Variants in TMEM178B observed in about 807,000 individuals in gnomAD.
TMEM178B encodes the protein transmembrane protein 178B.
Under a neutral mutation model 31.0 loss-of-function variants are expected in TMEM178B, and 5 were observed. That is an observed-to-expected ratio of 0.16 (90% CI 0.08 to 0.34). The LOEUF (loss-of-function observed/expected upper bound fraction) is 0.34, where lower values mean the gene tolerates loss of function less well. TMEM178B is among the 10% of genes least tolerant of loss of function. The probability of loss-of-function intolerance (pLI) is 1.00; values close to 1 mark genes in which losing one functional copy is unlikely to be tolerated. For synonymous variants in TMEM178B, 164 were observed against 164.0 expected, an observed-to-expected ratio of 1.00 and a Z score of 0.00; for missense variants, 275 against 400.3, an observed-to-expected ratio of 0.69 and a Z score of 2.67.
chr7:141,359,283 C>G (rs1799876608), intron 2 of TMEM178B, among the ~76,000 whole-genome samples: 1 of 152,208 alleles, frequency 6.6e-6, no homozygotes. Flanking sequence ...AGGGTATAGC[C>G]TCCCAGCACG....
At chr7:141,446,355 G>A (rs764385993) in intron 3 of TMEM178B, among the ~76,000 whole-genome samples, 9 of 152,170 alleles carry the variant, frequency 5.9e-5, no homozygotes, top group East Asian at 5.8e-4. Context: ...CCCATCACTC[G>A]CCTGCCAAGC....
At chr7:141,276,289 A>G (rs549633161) in intron 2 of TMEM178B, among the ~76,000 whole-genome samples, 1 of 152,306 alleles carries the variant, frequency 6.6e-6, no homozygotes, top group African/African-American at 2.4e-5. Context: ...AAATACACTC[A>G]TGCATCGCTG....
intron 2 of TMEM178B, among the ~76,000 whole-genome samples, chr7:141,326,680 G>A (rs200756789): frequency 6.6e-6 from 1 of 152,118 alleles, no homozygotes; most frequent in Admixed American, 6.5e-5. Flanking sequence ...GGCTGTTTTT[G>A]TACTACAAAA....
chr7:141,430,445 C>A (rs1254258053), intron 2 of TMEM178B, among the ~76,000 whole-genome samples: 1 of 152,220 alleles, frequency 6.6e-6, no homozygotes, highest in Non-Finnish European at 1.5e-5. Flanking sequence ...CTTATTTAAT[C>A]CTCTTAACAG....
chr7:141,151,331 G>T (rs1795969441), intron 1 of TMEM178B, among the ~76,000 whole-genome samples: 1 of 152,186 alleles, frequency 6.6e-6, no homozygotes, highest in East Asian at 1.9e-4. Context: ...ACCCTGTGTG[G>T]TGGGGATTAT....
At chr7:141,505,662 C>T in the TMEM178B span, among the ~76,000 whole-genome samples, 15 of 152,324 alleles carry the variant, frequency 9.8e-5, no homozygotes, top group African/African-American at 3.6e-4. Context: ...CCGAACAGGA[C>T]TGGGGCAGAT....
intron 1 of TMEM178B, among the ~76,000 whole-genome samples, chr7:141,207,277 CTTT>C (rs890095033): frequency 6.6e-6 from 1 of 152,166 alleles, no homozygotes; most frequent in African/African-American, 2.4e-5. Flanking sequence ...GCAGATATCT[CTTT>C]GAGATAGTGA....
At chr7:141,121,995 C>G (rs1238922643) in intron 1 of TMEM178B, among the ~76,000 whole-genome samples, 2 of 152,266 alleles carry the variant, frequency 1.3e-5, no homozygotes, top group East Asian at 3.8e-4. Context: ...GGCATTTCCC[C>G]CACTTAAACC....
intron 2 of TMEM178B, among the ~76,000 whole-genome samples, chr7:141,393,510 G>T (rs780529847): frequency 6.6e-6 from 1 of 152,186 alleles, no homozygotes; most frequent in Non-Finnish European, 1.5e-5. Context: ...TGGCTAAGAC[G>T]TCAGGAGCAG....
At chr7:141,368,144 C>T (rs1172671249) in intron 2 of TMEM178B, among the ~76,000 whole-genome samples, 1 of 152,150 alleles carries the variant, frequency 6.6e-6, no homozygotes, top group Non-Finnish European at 1.5e-5. Flanking sequence ...CATGGTGAAA[C>T]CCCATCTGCA....
At chr7:141,122,821 T>A (rs1309325023) in intron 1 of TMEM178B, among the ~76,000 whole-genome samples, 1 of 152,246 alleles carries the variant, frequency 6.6e-6, no homozygotes, top group Non-Finnish European at 1.5e-5. Context: ...AAGATAACCA[T>A]AATAGCTTGT....
At chr7:141,263,619 T>G (rs1429420171) in intron 2 of TMEM178B, among the ~76,000 whole-genome samples, 1 of 152,172 alleles carries the variant, frequency 6.6e-6, no homozygotes, top group Non-Finnish European at 1.5e-5. Flanking sequence ...AACAATTTTA[T>G]GCTTTGAGGT....
chr7:141,229,668 A>G (rs1440161018), intron 2 of TMEM178B, among the ~76,000 whole-genome samples: 1 of 152,140 alleles, frequency 6.6e-6, no homozygotes, highest in Non-Finnish European at 1.5e-5. Flanking sequence ...CATTCCTGTA[A>G]TCCCAGCACT....
intron 2 of TMEM178B, among the ~76,000 whole-genome samples, chr7:141,240,792 G>T (rs1797604186): frequency 6.6e-6 from 1 of 152,134 alleles, no homozygotes; most frequent in South Asian, 2.1e-4. Context: ...CTGAGTTTGT[G>T]TGTGTTCCTT....
At chr7:141,181,542 A>T (rs926755053) in intron 1 of TMEM178B, among the ~76,000 whole-genome samples, 1 of 152,162 alleles carries the variant, frequency 6.6e-6, no homozygotes, top group African/African-American at 2.4e-5. Context: ...AGATGAGTGG[A>T]TTGGGAGGTT....
At chr7:141,181,968 G>A (rs1048411670) in intron 1 of TMEM178B, among the ~76,000 whole-genome samples, 4 of 152,166 alleles carry the variant, frequency 2.6e-5, no homozygotes, top group African/African-American at 9.7e-5. Flanking sequence ...TTTCACTAGC[G>A]ACACTGATAT....
At chr7:141,385,844 G>T (rs1382659541) in intron 2 of TMEM178B, among the ~76,000 whole-genome samples, 2 of 152,154 alleles carry the variant, frequency 1.3e-5, no homozygotes, top group Admixed American at 6.5e-5. Context: ...TGACAACACA[G>T]AAGATAACTT....
At chr7:141,120,348 G>A (rs1212672591) in intron 1 of TMEM178B, among the ~76,000 whole-genome samples, 2 of 152,072 alleles carry the variant, frequency 1.3e-5, no homozygotes, top group Non-Finnish European at 2.9e-5. Context: ...AAAAATGGTG[G>A]ACTATTTTAA....
rs552793908 is a variant in TMEM178B at position 141,101,909 on chromosome 7, G to A, written c.382+27217G>A. On this transcript the variant is annotated intron_variant, in intron 1 of 3. Transcript: ENST00000565468. ...AGGTGCCTGGATAGTGTGTGTTAAC[G>A]TGTGTGTGTGTGTGTGTGTGTGTGT... Among the ~76,000 whole-genome samples the A allele has an allele frequency of 2.4e-3, 148 of 62,186 alleles. 4 individuals are homozygous for A. In the South Asian group the frequency reaches 0.098, roughly 41 times the overall value. 40.8% of individuals were successfully genotyped at this position (62,186 alleles called of 152,430 possible). A position where few individuals can be genotyped will look rare whatever the true frequency, so the allele number is the denominator to read the frequency against.
Sources: allele counts gnomAD v4.1 joint callset (sites outside exome capture counted in the v4.1 genomes callset), GRCh38; gene constraint gnomAD v4.1.1; transcripts MANE v1.5; gene names NCBI Gene and HGNC (gene_info 2026-07-23, HGNC 2026-07-21).